The following WDR4 variants were observed in gnomAD, a reference collection of about 807,000 sequenced individuals.
WDR4 encodes the protein tRNA (guanine-N(7)-)-methyltransferase non-catalytic subunit WDR4.
Under a neutral mutation model 48.6 loss-of-function variants are expected in WDR4, and 47 were observed. The ratio of observed to expected loss-of-function variants is 0.97; its 90% CI spans 0.77 to 1.23. WDR4 has a LOEUF of 1.23. WDR4 is among the 50% of genes most tolerant of loss of function. The probability of loss-of-function intolerance (pLI) is 0.00; values close to 1 mark genes in which losing one functional copy is unlikely to be tolerated. For missense variants in WDR4, 606 were observed against 551.6 expected, an observed-to-expected ratio of 1.10 and a Z score of -0.99; for synonymous variants, 268 against 230.0, an observed-to-expected ratio of 1.17 and a Z score of -1.49.
intron 2 of WDR4, among the ~76,000 whole-genome samples, chr21:42,876,233 AGACAGAGTCTTG>A (rs1569337635): frequency 7.0e-5 from 2 of 28,578 alleles, no homozygotes; most frequent in African/African-American, 4.8e-4. Context: ...TTTTTTTGGG[AGACAGAGTCTTG>A]CTCTATTCCC....
chr21:42,880,460 C>T (rs374605499), upstream of WDR4, among the ~76,000 whole-genome samples: 221 of 152,096 alleles, frequency 1.5e-3, 1 homozygote, highest in African/African-American at 5.0e-3. Context: ...CCCGTGCACG[C>T]AATATATGAT....
chr21:42,869,667 GA>G (rs529254655), intron 3 of WDR4, among the ~76,000 whole-genome samples: 103 of 145,660 alleles, frequency 7.1e-4, no homozygotes, highest in African/African-American at 1.3e-3. Flanking sequence ...ATAGGATATG[GA>G]AAAAAAAAAA....
chr21:42,868,439 C>T (rs1438802234), intron 3 of WDR4, among the ~76,000 whole-genome samples: 4 of 152,196 alleles, frequency 2.6e-5, no homozygotes, highest in South Asian at 2.1e-4. Flanking sequence ...CTTCAAGACA[C>T]GAGTGAGCTC....
At chr21:42,857,061 C>G (rs1156857373) in intron 6 of WDR4, among the ~76,000 whole-genome samples, 1 of 152,132 alleles carries the variant, frequency 6.6e-6, no homozygotes, top group Non-Finnish European at 1.5e-5. Flanking sequence ...AAGACCAAAC[C>G]GGGCCAGGCA....
intron 7 of WDR4, among the ~76,000 whole-genome samples, chr21:42,854,859 G>A (rs1270390799): frequency 3.3e-5 from 5 of 152,098 alleles, no homozygotes; most frequent in African/African-American, 1.2e-4. Flanking sequence ...CAGGGCCTGC[G>A]ACAGCCTCCA....
At chr21:42,859,377 G>A (rs2058063707) in intron 6 of WDR4, among the ~76,000 whole-genome samples, 2 of 152,162 alleles carry the variant, frequency 1.3e-5, no homozygotes, top group African/African-American at 2.4e-5. Flanking sequence ...CCTGATCCCC[G>A]ATACCATCGT....
the WDR4 span, among the ~76,000 whole-genome samples, chr21:42,892,799 G>A: frequency 5.3e-5 from 8 of 152,246 alleles, no homozygotes; most frequent in African/African-American, 1.9e-4. Flanking sequence ...GTGAGCAGTG[G>A]TGGCCGCGTT....
chr21:42,851,967 G>A (rs974311024), intron 10 of WDR4, among the ~76,000 whole-genome samples: 4 of 152,256 alleles, frequency 2.6e-5, no homozygotes, highest in Non-Finnish European at 5.9e-5. Context: ...CCAGCTGCCA[G>A]CCCTGCCCTG....
At chr21:42,891,327 CAAAAAAA>C in the WDR4 span, among the ~76,000 whole-genome samples, 1 of 123,814 alleles carries the variant, frequency 8.1e-6, no homozygotes, top group Non-Finnish European at 1.7e-5. Flanking sequence ...GATTCTGTCT[CAAAAAAA>C]AAAAAAAAAT....
chr21:42,850,910 C>A (rs2057808557), intron 10 of WDR4, among the ~76,000 whole-genome samples: 1 of 152,178 alleles, frequency 6.6e-6, no homozygotes, highest in Non-Finnish European at 1.5e-5. Flanking sequence ...GCCAGGAAAC[C>A]ACAGGCCCAG....
At chr21:42,861,854 C>CA (rs1264445167) in intron 5 of WDR4, among the ~76,000 whole-genome samples, 3 of 152,230 alleles carry the variant, frequency 2.0e-5, no homozygotes, top group Admixed American at 2.0e-4. Context: ...TGGGTCCTGG[C>CA]AGAGTGTGCT....
chr21:42,854,513 C>G (rs2057932041), intron 8 of WDR4, 49 bp downstream of exon 8: 1 of 1,583,734 alleles, frequency 6.3e-7, no homozygotes, highest in Non-Finnish European at 8.6e-7. Flanking sequence ...AACTCTTCCC[C>G]CTGCAGGTCT....
downstream of WDR4, among the ~76,000 whole-genome samples, chr21:42,848,897 A>G (rs145047222): frequency 0.032 from 828 of 25,882 alleles, 186 homozygotes; most frequent in African/African-American, 0.1. Flanking sequence ...CACGCGGCGC[A>G]CACCTCACAC....
Position 42,853,741 on chromosome 21 carries a change from A to G in WDR4, c.803T>C (p.Val268Ala). The G allele has an allele frequency of 6.4e-7, 1 of 1,557,482 alleles. No individual in the cohort carries two copies. Among genetic ancestry groups the G allele is most frequent in the Non-Finnish European group, 8.7e-7 (1 of 1,150,474 alleles). The change falls in exon 9 of 11, where the codon GTC (valine) becomes GCC (alanine). Residue 268 changes from valine to alanine, a missense_variant. Transcript: ENST00000398208. Reference protein sequence around the residue: ...VALLCDGTPVVYIFQLDARRQ... With the variant: ...VALLCDGTPVAYIFQLDARRQ... ...GCGGGCGTCCAGCTGGAAGATGTAG[A>G]CCACAGGAGTGCTTGCCACGAAGAA...
chr21:42,852,284 A>G lies in WDR4; in HGVS notation c.1016T>C (p.Val339Ala). 1 of 1,614,184 alleles carries G rather than the reference A, an allele frequency of 6.2e-7. No homozygotes were observed. Among genetic ancestry groups the G allele is most frequent in the South Asian group, 1.1e-5 (1 of 91,070 alleles). ...ESTVLKKVSG[V>A]LRGNWAMLEG... ...CAGCATGGCCCAGTTCCCACGAAGA[A>G]CACCAGAGACTTTCTTTAACACGGT... The change falls in exon 10 of 11, where the codon GTT (valine) becomes GCT (alanine). Residue 339 changes from valine (V) to alanine (A), a missense_variant. Coordinates refer to ENST00000398208, the MANE Select transcript of WDR4 (RefSeq NM_018669.6).
the WDR4 span, among the ~76,000 whole-genome samples, chr21:42,890,605 G>C: frequency 6.6e-6 from 1 of 152,160 alleles, no homozygotes; most frequent in African/African-American, 2.4e-5. Flanking sequence ...GTAGAACTTT[G>C]TGTGATCTAC....
intron 3 of WDR4, among the ~76,000 whole-genome samples, chr21:42,866,762 G>A (rs1469670307): frequency 6.6e-6 from 1 of 151,884 alleles, no homozygotes; most frequent in Admixed American, 6.5e-5. Context: ...ATTTCTCACT[G>A]AGAGAAAGGG....
the WDR4 span, among the ~76,000 whole-genome samples, chr21:42,888,707 T>TC: frequency 6.6e-6 from 1 of 151,314 alleles, no homozygotes; most frequent in East Asian, 1.9e-4. Context: ...TAATTTTTTT[T>TC]TTTTTTTTTT....
chr21:42,874,744 CG>C (rs1370920785), intron 2 of WDR4, among the ~76,000 whole-genome samples: 3 of 151,994 alleles, frequency 2.0e-5, no homozygotes, highest in African/African-American at 7.3e-5. Context: ...TTGGTCAGAC[CG>C]GTTACTCTCA....
Sources: gnomAD v4.1 joint callset for allele counts (sites outside exome capture counted in the v4.1 genomes callset) on GRCh38, gnomAD v4.1.1 for gene constraint, MANE v1.5 for transcripts, NCBI Gene and HGNC (gene_info 2026-07-23, HGNC 2026-07-21) for gene names.